Variants in SULF1 observed in about 807,000 individuals in gnomAD.
SULF1 encodes sulfatase 1.
In SULF1, 46 loss-of-function variants were observed where a neutral mutation model predicts 110.5. That is an observed-to-expected ratio of 0.42 (90% confidence interval 0.33 to 0.53). The LOEUF is 0.53. SULF1 is among the 20% of genes least tolerant of loss of function. The pLI, the probability that SULF1 is intolerant of heterozygous loss-of-function variation, is 0.12. For missense variants in SULF1, 941 were observed against 1,094.2 expected (o/e 0.86, Z 1.98); for synonymous variants, 371 against 387.1 (o/e 0.96, Z 0.49).
chr8:69,536,224 T>C (rs143408405), intron 3 of SULF1, among the ~76,000 whole-genome samples: 3 of 152,328 alleles, frequency 2.0e-5, no homozygotes, highest in Admixed American at 6.5e-5. Flanking sequence ...GTCTGTTTGG[T>C]GTCAGTGAAG....
Position 69,659,229 on chromosome 8 carries a change from G to A in SULF1, c.*694G>A, listed in dbSNP as rs549680906. ...AACACCGAAGTAATTCCAGCATAGC[G>A]GGGAAGATGTTGACCAAGGTGGAGA... On this transcript the variant is annotated 3_prime_UTR_variant, in exon 23 of 23. Transcript: ENST00000402687. The A allele has an allele frequency of 4.4e-5, 20 of 456,350 alleles. No individual in the cohort carries two copies. Among genetic ancestry groups the A allele is most frequent in the African/African-American group, 2.0e-4 (10 of 50,012 alleles). 28.3% of individuals were successfully genotyped at this position (456,350 alleles called of 1,614,324 possible).
At chr8:69,526,856 A>AGGGAGGAG (rs1358852665) in intron 3 of SULF1, among the ~76,000 whole-genome samples, 2 of 149,882 alleles carry the variant, frequency 1.3e-5, no homozygotes, top group South Asian at 4.3e-4. Context: ...GAAGGAAGGA[A>AGGGAGGAG]GGAAAGAAGG....
intron 19 of SULF1, among the ~76,000 whole-genome samples, chr8:69,630,005 G>A (rs866837717): frequency 7.2e-4 from 109 of 152,260 alleles, no homozygotes; most frequent in Admixed American, 1.3e-3. Context: ...TGAACATCCC[G>A]TAAATGGATG....
In SULF1 at chr8:69,588,262, T is replaced by C. The variant is rs550900088; in HGVS notation, c.565-710T>C. 5.9e-5 allele frequency among the ~76,000 whole-genome samples: 9 copies of C among 152,314 alleles called. No individual in the cohort carries two copies. In the South Asian group the frequency reaches 1.9e-3, roughly 32 times the overall value. ...AAGTCATTTTATTAGCAAGTCAGGC[T>C]CTAATCCCAGCAGCTGTATTGCTTT... On this transcript the variant is annotated intron_variant, in intron 7 of 22. Transcript: ENST00000402687.
Position 69,625,754 on chromosome 8 carries a change from C to T in SULF1, c.1851-1456C>T, listed in dbSNP as rs148333384. 2.7e-3 allele frequency among the ~76,000 whole-genome samples: 414 copies of T among 152,254 alleles called. 1 individual carries two copies. The highest frequency in any genetic ancestry group is 8.3e-3 in the East Asian group (43 of 5,176). Reference sequence around the variant, plus strand: ...CAGTAGCAAGATTTATTGCAAAGAGCGAAAGAACGGAGCTTCCACAGTGTG... The same window carrying T: ...CAGTAGCAAGATTTATTGCAAAGAGTGAAAGAACGGAGCTTCCACAGTGTG... On this transcript the variant is annotated intron_variant, in intron 15 of 22. Coordinates refer to ENST00000402687, the MANE Select transcript of SULF1 (RefSeq NM_001128205.2).
At chr8:69,644,607 G>C (rs958935100) in intron 22 of SULF1, among the ~76,000 whole-genome samples, 2 of 151,180 alleles carry the variant, frequency 1.3e-5, no homozygotes, top group Admixed American at 6.6e-5. Context: ...AACCCCGTCT[G>C]TACTAAAAAT....
At chr8:69,608,891 C>T (rs534999026) in intron 13 of SULF1, among the ~76,000 whole-genome samples, 8 of 152,204 alleles carry the variant, frequency 5.3e-5, no homozygotes, top group African/African-American at 1.9e-4. Context: ...GTTACACCCC[C>T]GGACACGTTT....
At chr8:69,589,858 C>T (rs534989760) in intron 8 of SULF1, among the ~76,000 whole-genome samples, 26 of 152,318 alleles carry the variant, frequency 1.7e-4, no homozygotes, top group African/African-American at 6.0e-4. Flanking sequence ...ACTCAGTTGA[C>T]ACCATTTCTT....
At chr8:69,524,505 G>A (rs372018689) in intron 3 of SULF1, among the ~76,000 whole-genome samples, 6 of 152,220 alleles carry the variant, frequency 3.9e-5, no homozygotes, top group African/African-American at 1.2e-4. Context: ...TCATTCCCAT[G>A]AGGATGGCAC....
chr8:69,656,643 G>C (rs751614115), intron 22 of SULF1, among the ~76,000 whole-genome samples: 3 of 152,128 alleles, frequency 2.0e-5, no homozygotes, highest in Non-Finnish European at 2.9e-5. Flanking sequence ...CCCTGAATAG[G>C]AAATGATCTC....
intron 22 of SULF1, among the ~76,000 whole-genome samples, chr8:69,641,918 T>C (rs956895178): frequency 2.6e-5 from 4 of 151,950 alleles, no homozygotes; most frequent in Admixed American, 2.0e-4. Context: ...GATGGCCGTG[T>C]CACTTGGTCA....
chr8:69,551,105 C>G (rs1365246290), intron 3 of SULF1, among the ~76,000 whole-genome samples: 1 of 152,184 alleles, frequency 6.6e-6, no homozygotes, highest in Non-Finnish European at 1.5e-5. Context: ...GAAAGGCCCA[C>G]AGGGGGCGAT....
At chr8:69,539,866 T>C (rs775582676) in intron 3 of SULF1, among the ~76,000 whole-genome samples, 1 of 152,156 alleles carries the variant, frequency 6.6e-6, no homozygotes, top group Non-Finnish European at 1.5e-5. Flanking sequence ...AGCCCACAGG[T>C]GTTTTTAATA....
At chr8:69,634,753 G>A (rs1253703299) in intron 19 of SULF1, among the ~76,000 whole-genome samples, 4 of 150,932 alleles carry the variant, frequency 2.7e-5, no homozygotes, top group Non-Finnish European at 5.9e-5. Context: ...GAAAAAAAAA[G>A]AGAGAGAGGC....
At chr8:69,522,923 A>C (rs533601681) in intron 3 of SULF1, among the ~76,000 whole-genome samples, 2 of 152,248 alleles carry the variant, frequency 1.3e-5, no homozygotes, top group African/African-American at 4.8e-5. Context: ...GAAGAAAAAA[A>C]CAAGAAATAT....
intron 1 of SULF1, among the ~76,000 whole-genome samples, chr8:69,468,946 G>C (rs1423849049): frequency 1.3e-5 from 2 of 152,144 alleles, no homozygotes. Flanking sequence ...ACAGGACTTT[G>C]ACAGTATGGG....
At chr8:69,641,746 AAAAT>A (rs1403257222) in intron 22 of SULF1, among the ~76,000 whole-genome samples, 2 of 151,974 alleles carry the variant, frequency 1.3e-5, no homozygotes, top group African/African-American at 2.4e-5. Flanking sequence ...CCTGTCTCTA[AAAAT>A]AAATAAATAA....
chr8:69,615,506 T>A (rs1809024777), intron 13 of SULF1, among the ~76,000 whole-genome samples: 2 of 152,206 alleles, frequency 1.3e-5, no homozygotes, highest in Admixed American at 1.3e-4. Context: ...TTTCAAAGGG[T>A]CCATGGTAGA....
chr8:69,518,325 T>C (rs1234184813), intron 3 of SULF1, among the ~76,000 whole-genome samples: 2 of 152,240 alleles, frequency 1.3e-5, no homozygotes, highest in Non-Finnish European at 2.9e-5. Flanking sequence ...ATATTTGTAA[T>C]AGCCACTTCA....
Sources: gnomAD v4.1 joint callset for allele counts (sites outside exome capture counted in the v4.1 genomes callset) on GRCh38, gnomAD v4.1.1 for gene constraint, MANE v1.5 for transcripts, NCBI Gene and HGNC (gene_info 2026-07-23, HGNC 2026-07-21) for gene names.